PPL: variants seen among roughly 807,000 people sequenced by gnomAD.
The protein encoded by PPL is 190 kDa paraneoplastic pemphigus antigen.
In PPL, 198 loss-of-function variants were observed where a neutral mutation model predicts 194.4. The ratio of observed to expected loss-of-function variants is 1.02; its 90% CI spans 0.91 to 1.15. The LOEUF (loss-of-function observed/expected upper bound fraction) is 1.15. Ranked by LOEUF, PPL falls within the 50% of genes most tolerant of loss-of-function variation. The pLI is 0.00. For synonymous variants in PPL, 1,220 were observed against 972.4 expected (o/e 1.25, Z -4.74); for missense variants, 2,885 against 2,294.8 (o/e 1.26, Z -5.25).
At chr16:4,935,427 CG>C (rs2089284146) in intron 1 of PPL, among the ~76,000 whole-genome samples, 1 of 152,110 alleles carries the variant, frequency 6.6e-6, no homozygotes, top group Non-Finnish European at 1.5e-5. Context: ...CGGTTCTCCA[CG>C]GCTGGCACGG....
Position 4,903,941 on chromosome 16 carries a change from C to T in PPL, c.262G>A (p.Asp88Asn). 3 of 1,614,108 alleles carry T rather than the reference C, an allele frequency of 1.9e-6. No homozygotes were observed. The highest frequency in any genetic ancestry group is 2.5e-6 in the Non-Finnish European group (3 of 1,180,036). ...TTCATGTGCTTGGCAATGGCCGCAT[C>T]CGCCTCTAGCACATAGAGCAGCTTC... The part of the protein sequence containing the change: ...SEKLLYVLEA[D>N]AAIAKHMKHP... Residue 88 changes from aspartate to asparagine, a missense_variant, in exon 3 of 22, where the codon GAT (aspartate) becomes AAT (asparagine). By Grantham distance (23) the Asp-to-Asn change is conservative. Transcript: ENST00000345988.
At position 4,885,171 on chromosome 16, in the gene PPL, C is replaced by T. The variant is rs1232107767; in HGVS notation, c.3484G>A (p.Glu1162Lys). Residue 1162 changes from glutamate (E) to lysine (K), a missense_variant, in exon 22 of 22, where the codon GAG becomes AAG. Glu to Lys is a moderately conservative substitution (Grantham distance 56). Coordinates refer to ENST00000345988, the MANE Select transcript of PPL (RefSeq NM_002705.5). This position sits in a 1 kb window ranked among gnomAD's most constrained non-coding sequence, Gnocchi z 6.3. ...TELLRKIWAL[E>K]EENAKVVVQE... is the part of the protein sequence containing the mutation. ...ACCACCACTTTGGCGTTCTCCTCCT[C>T]CAAGGCCCATATCTTTCGGAGCAGC... 1.2e-6 allele frequency: 2 copies of T among 1,614,138 alleles called. No homozygotes were observed. The highest frequency in any genetic ancestry group is 1.7e-6 in the Non-Finnish European group (2 of 1,180,040).
chr16:4,924,908 A>G (rs2089128007), intron 1 of PPL, among the ~76,000 whole-genome samples: 1 of 152,174 alleles, frequency 6.6e-6, no homozygotes, highest in African/African-American at 2.4e-5. Context: ...CCTCCACCCC[A>G]GCTGTCCCTG....
At chr16:4,915,646 A>T (rs1271761465) in intron 1 of PPL, among the ~76,000 whole-genome samples, 1 of 152,224 alleles carries the variant, frequency 6.6e-6, no homozygotes, top group Non-Finnish European at 1.5e-5. Flanking sequence ...CTGGGCTAGA[A>T]GTTACTCATG....
rs757687203 is a variant in PPL at position 4,885,331 on chromosome 16, G to C, written c.3324C>G (p.Ala1108=). The change falls in exon 22 of 22, where the codon GCC becomes GCG. Residue 1108 remains alanine (A), a synonymous_variant. Coordinates refer to ENST00000345988, the MANE Select transcript of PPL (RefSeq NM_002705.5). The surrounding 1 kb of genome is among the most constrained non-coding windows in gnomAD (Gnocchi z 6.3). The stretch of plus-strand genomic sequence containing the variant: ...CCTCCTTGACGGTGATCTTGCCCTC[G>C]GCCATGGCCCGCTCCTTCTCTAGCC... ...LKRLEKERAM[A]EGKITVKEVL... 5.6e-6 allele frequency: 9 copies of C among 1,612,260 alleles called. No homozygotes were observed. The highest frequency in any genetic ancestry group is 7.6e-6 in the Non-Finnish European group (9 of 1,179,886).
chr16:4,907,079 T>TAAAAAAAA (rs57847738), intron 2 of PPL, among the ~76,000 whole-genome samples: 46 of 76,982 alleles, frequency 6.0e-4, no homozygotes, highest in East Asian at 8.4e-4. Context: ...ACCCTATCTC[T>TAAAAAAAA]AAAAAAAAAA....
chr16:4,891,929 A>G lies in PPL; in HGVS notation c.1850T>C (p.Leu617Pro). ...AQEKVDVANR[L>P]EKSLQQSWEL... ...CCAGCTCTGCTGCAGGCTCTTCTCC[A>G]GGCGGTTGGCCACATCAACCCTGAG... The change falls in exon 16 of 22, where the codon CTG (leucine) becomes CCG (proline). Residue 617 changes from leucine (L) to proline (P), a missense_variant. Leu to Pro is a moderately conservative substitution (Grantham distance 98). Transcript: ENST00000345988. 6.2e-7 allele frequency: 1 copy of G among 1,613,188 alleles called. No individual in the cohort carries two copies. The highest frequency in any genetic ancestry group is 1.1e-5 in the South Asian group (1 of 91,030).
intron 1 of PPL, among the ~76,000 whole-genome samples, chr16:4,931,277 T>A (rs1422741892): frequency 6.6e-6 from 1 of 152,080 alleles, no homozygotes; most frequent in South Asian, 2.1e-4. Context: ...GGCATGAGGA[T>A]TGCTTGAGCC....
chr16:4,910,262 T>C (rs2088792337), intron 2 of PPL, among the ~76,000 whole-genome samples: 1 of 152,216 alleles, frequency 6.6e-6, no homozygotes, highest in African/African-American at 2.4e-5. Flanking sequence ...ACCTGCACCC[T>C]GAGTGCTGGC....
chr16:4,887,566 C>A (rs1369604133), intron 20 of PPL, among the ~76,000 whole-genome samples: 1 of 152,152 alleles, frequency 6.6e-6, no homozygotes, highest in Non-Finnish European at 1.5e-5. Flanking sequence ...CTTCCCAGAT[C>A]CATGGTTCTG....
rs1404565267 is a variant in PPL at position 4,892,179 on chromosome 16, T to G, written c.1685A>C (p.Glu562Ala). The G allele has an allele frequency of 1.2e-6, 2 of 1,613,606 alleles. No homozygotes were observed. The highest frequency in any genetic ancestry group is 2.2e-5 in the East Asian group (1 of 44,876). Residue 562 changes from glutamate to alanine, a missense_variant, in exon 15 of 22, where the codon GAG becomes GCG. Transcript: ENST00000345988. ...GCCCTCAGCCGTGCTCCGCGTCTTC[T>G]CAGGTTCAATCCGCAGTAGCTCGTT... Reference protein sequence around the residue: ...ITNELLRIEPEKTRSTAEGEA... With the variant: ...ITNELLRIEPAKTRSTAEGEA...
chr16:4,927,336 G>A (rs2089172413), intron 1 of PPL, among the ~76,000 whole-genome samples: 1 of 152,226 alleles, frequency 6.6e-6, no homozygotes, highest in Admixed American at 6.5e-5. Flanking sequence ...GGCAATCCAT[G>A]TAACTATGTG....
chr16:4,894,357 G>C, intron 12 of PPL, 110 bp downstream of exon 12: 4 of 1,383,610 alleles, frequency 2.9e-6, no homozygotes, highest in Non-Finnish European at 3.9e-6. Flanking sequence ...GAGTGTCAGC[G>C]ACCCCGCGCT....
chr16:4,895,606 C>T lies in PPL; in HGVS notation c.1083G>A (p.Leu361=), dbSNP rs1006161069. The T allele has an allele frequency of 3.1e-6, 5 of 1,613,972 alleles. No homozygotes were observed. Among genetic ancestry groups the T allele is most frequent in the Admixed American group, 1.7e-5 (1 of 60,032 alleles). The change falls in exon 10 of 22, where the codon CTG becomes CTA. Residue 361 remains leucine, a synonymous_variant. Coordinates refer to ENST00000345988, the MANE Select transcript of PPL (RefSeq NM_002705.5). ...FKDRYQIELL[L]RELDDQEKVL... The stretch of plus-strand genomic sequence containing the variant: ...GGCCATCGCTCACATCCAGCTCCCG[C>T]AGCAGCAGCTCAATCTGGTACCGGT...
At chr16:4,918,739 C>T (rs1463192993) in intron 1 of PPL, among the ~76,000 whole-genome samples, 3 of 152,190 alleles carry the variant, frequency 2.0e-5, no homozygotes, top group Non-Finnish European at 2.9e-5. Context: ...TGTAGCTTTG[C>T]GGTCCTGTGT....
rs1181861931 is a variant in PPL at position 4,909,315 on chromosome 16, A to C, written c.162+1535T>G. The stretch of plus-strand genomic sequence containing the variant: ...GGCAACTGGGCCATCAGGAGCAGCC[A>C]AGGGGGTTGGATACCTATGGCTGGG... On this transcript the variant is annotated intron_variant, in intron 2 of 21. Coordinates refer to ENST00000345988, the MANE Select transcript of PPL (RefSeq NM_002705.5). 7.9e-5 allele frequency among the ~76,000 whole-genome samples: 12 copies of C among 152,108 alleles called. No individual in the cohort carries two copies. The South Asian group carries it at 2.5e-3, about 32-fold the overall frequency.
At chr16:4,892,796 G>A (rs542247523) in intron 14 of PPL, 15 of 169,512 alleles carry the variant, frequency 8.8e-5, no homozygotes, top group South Asian at 1.9e-4. Context: ...GCCCCTCCAC[G>A]TCCCCCCTGG....
intron 14 of PPL, chr16:4,892,881 A>C: frequency 4.2e-6 from 1 of 235,760 alleles, no homozygotes; most frequent in Middle Eastern, 1.4e-3. Flanking sequence ...TGAGGCCTGG[A>C]GTTTATAAAT....
At chr16:4,893,148 TA>T in intron 14 of PPL, 64 bp downstream of exon 14, 1 of 1,435,918 alleles carries the variant, frequency 7.0e-7, no homozygotes, top group Non-Finnish European at 9.1e-7. Flanking sequence ...AGACCTCAAA[TA>T]GGGGCCCCAG....
Sources: gnomAD v4.1 joint callset for allele counts (sites outside exome capture counted in the v4.1 genomes callset) on GRCh38, gnomAD v4.1.1 for gene constraint, Gnocchi (gnomAD v3.1) non-coding constraint, MANE v1.5 for transcripts, NCBI Gene and HGNC (gene_info 2026-07-23, HGNC 2026-07-21) for gene names.